The following PRMT2 variants were observed in gnomAD, a reference collection of about 807,000 sequenced individuals.
The protein encoded by PRMT2 is protein arginine methyltransferase 2.
PRMT2 carries 26 observed loss-of-function variants against 57.6 expected under a neutral mutation model. That is an observed-to-expected ratio of 0.45 (90% CI 0.33 to 0.63). The LOEUF is 0.63. PRMT2 is among the 20% of genes least tolerant of loss of function. PRMT2 has a pLI of 0.02. For missense variants in PRMT2, 472 were observed against 564.4 expected, an observed-to-expected ratio of 0.84 and a Z score of 1.66; for synonymous variants, 219 against 220.0, an observed-to-expected ratio of 1.00 and a Z score of 0.04.
In PRMT2 at chr21:46,658,649, G is replaced by C. The variant is rs2061573870; in HGVS notation, c.655-96G>C. ...GAATATTCTTGAGGCTAAAACTGTAGAACTGTCAGACTAGTGTTACGAATG... is the reference window on the plus strand; with the variant it reads ...GAATATTCTTGAGGCTAAAACTGTACAACTGTCAGACTAGTGTTACGAATG... On this transcript the variant is annotated intron_variant, in intron 7 of 11. Coordinates refer to ENST00000355680, the MANE Select transcript of PRMT2 (RefSeq NM_206962.4). 27 of 1,550,030 alleles carry C rather than the reference G, an allele frequency of 1.7e-5. No homozygotes were observed. In the South Asian group the frequency reaches 3.1e-4, roughly 18 times the overall value.
intron 7 of PRMT2, chr21:46,651,921 A>C: frequency 6.2e-7 from 1 of 1,613,038 alleles, no homozygotes; most frequent in African/African-American, 1.3e-5. Context: ...GTCCCTCTTC[A>C]TGTCCTCCTT....
In PRMT2 at chr21:46,643,559, G is replaced by A; in HGVS notation, c.64G>A (p.Glu22Lys). ...SQGEEPAECS[E>K]AGLLQEGVQP... Reference sequence around the variant, plus strand: ...GGGAGAAGAGCCTGCTGAGTGCAGTGAGGCCGGTCTCCTGCAGGAGGGAGT... The same window carrying A: ...GGGAGAAGAGCCTGCTGAGTGCAGTAAGGCCGGTCTCCTGCAGGAGGGAGT... Residue 22 changes from glutamate to lysine, a missense_variant, in exon 4 of 12, where the codon GAG becomes AAG. Coordinates refer to ENST00000355680, the MANE Select transcript of PRMT2 (RefSeq NM_206962.4). 1 of 1,607,618 alleles carries A rather than the reference G, an allele frequency of 6.2e-7. No homozygotes were observed. Among genetic ancestry groups the A allele is most frequent in the Non-Finnish European group, 8.5e-7 (1 of 1,177,790 alleles).
At chr21:46,651,715 G>A in intron 7 of PRMT2, 1 of 1,423,602 alleles carries the variant, frequency 7.0e-7, no homozygotes, top group Non-Finnish European at 9.7e-7. Flanking sequence ...GATAGTTGTT[G>A]GGGCACAGGG....
intron 7 of PRMT2, chr21:46,654,918 T>C (rs942471781): frequency 1.0e-6 from 1 of 984,478 alleles, no homozygotes; most frequent in African/African-American, 1.7e-5. Context: ...TCCCTCTATG[T>C]ATGTACATAG....
At chr21:46,643,414 TAATA>T (rs2061311859) in intron 3 of PRMT2, 117 bp from the exon 4 acceptor site, 1 of 1,318,464 alleles carries the variant, frequency 7.6e-7, no homozygotes, top group African/African-American at 1.6e-5. Flanking sequence ...ATAGTTTGTA[TAATA>T]AATACTTGGA....
chr21:46,660,000 A>AATGCT, intron 8 of PRMT2: 1 of 984,156 alleles, frequency 1.0e-6, no homozygotes, highest in Non-Finnish European at 1.2e-6. Flanking sequence ...AGTATATCAC[A>AATGCT]ATGCTAAGAC....
In PRMT2 at chr21:46,648,520, G is replaced by T. The variant is rs1354582563; in HGVS notation, c.390G>T (p.Leu130=). 6.2e-7 allele frequency: 1 copy of T among 1,614,218 alleles called. No homozygotes were observed. Among genetic ancestry groups the T allele is most frequent in the African/African-American group, 1.3e-5 (1 of 75,056 alleles). Residue 130 remains leucine, a synonymous_variant, in exon 6 of 12, where the codon CTG becomes CTT. Coordinates refer to ENST00000355680, the MANE Select transcript of PRMT2 (RefSeq NM_206962.4). The surrounding 1 kb of genome is among the most constrained non-coding windows in gnomAD (Gnocchi z 4.8). ...PRTTKYHSVI[L]QNKESLTDKV... ...CAACTAAATACCACAGTGTCATCCT[G>T]CAGAATAAAGAATCCCTGACGGATA...
intron 10 of PRMT2, among the ~76,000 whole-genome samples, chr21:46,662,930 C>G (rs932287600): frequency 1.3e-5 from 2 of 152,198 alleles, no homozygotes; most frequent in Non-Finnish European, 2.9e-5. Flanking sequence ...TCACCAGCCT[C>G]TGCAGCTTAG....
rs2061417708 is a variant in PRMT2, at chr21:46,649,560, C to T, written c.490-15C>T. 1 of 1,613,918 alleles carries T rather than the reference C, an allele frequency of 6.2e-7. No individual in the cohort carries two copies. Among genetic ancestry groups the T allele is most frequent in the Non-Finnish European group, 8.5e-7 (1 of 1,180,038 alleles). On this transcript the variant is annotated splice_polypyrimidine_tract_variant and intron_variant, in intron 6 of 11. Coordinates refer to ENST00000355680, the MANE Select transcript of PRMT2 (RefSeq NM_206962.4). The surrounding 1 kb of genome is among the most constrained non-coding windows in gnomAD (Gnocchi z 4.8). ...GCCGGCCGGATGTACGCTGACGGTG[C>T]CTCTGCTGCTGCAGGTGTACGCGGT...
intron 7 of PRMT2, chr21:46,653,524 C>A (rs2061493571): frequency 9.9e-7 from 1 of 1,012,698 alleles, no homozygotes; most frequent in Non-Finnish European, 1.2e-6. Context: ...GAAGGACGAT[C>A]TACACAGGGC....
At chr21:46,663,308 T>C in intron 10 of PRMT2, 75 bp from the exon 11 acceptor site, 1 of 1,471,884 alleles carries the variant, frequency 6.8e-7, no homozygotes, top group East Asian at 2.3e-5. Flanking sequence ...AGTGCGAGCC[T>C]GAGTCAGCGC....
intron 7 of PRMT2, 42 bp from the exon 8 acceptor site, chr21:46,658,703 G>A: frequency 6.2e-7 from 1 of 1,603,802 alleles, no homozygotes; most frequent in Non-Finnish European, 8.5e-7. Flanking sequence ...GCAGCCGCGG[G>A]GCCTGTGATG....
At chr21:46,661,036 A>C in intron 9 of PRMT2, 74 bp downstream of exon 9, 1 of 1,471,574 alleles carries the variant, frequency 6.8e-7, no homozygotes, top group Non-Finnish European at 9.2e-7. Flanking sequence ...AGCCTGGCTT[A>C]TCAAAAACCT....
chr21:46,652,509 A>G lies in PRMT2; in HGVS notation c.654+2770A>G, dbSNP rs368197917. ...AGGCCAGGAGCTTGAACGTTGTTCA[A>G]TGCCACCAACAATTTGAAAGTAACT... On this transcript the variant is annotated intron_variant, in intron 7 of 11. Coordinates refer to ENST00000355680, the MANE Select transcript of PRMT2 (RefSeq NM_206962.4). 6 of 985,446 alleles carry G rather than the reference A, an allele frequency of 6.1e-6. 1 individual carries two copies. The South Asian group carries it at 2.3e-4, about 39-fold the overall frequency. 61.0% of individuals were successfully genotyped at this position (985,446 alleles called of 1,614,324 possible).
chr21:46,651,379 T>C (rs571613749), intron 7 of PRMT2, among the ~76,000 whole-genome samples: 122 of 150,844 alleles, frequency 8.1e-4, no homozygotes, highest in Non-Finnish European at 1.5e-3. Flanking sequence ...TCTGTGTGGG[T>C]CTTGAACATA....
intron 9 of PRMT2, 28 bp downstream of exon 9, chr21:46,660,990 A>G: frequency 6.2e-7 from 1 of 1,602,974 alleles, no homozygotes; most frequent in Non-Finnish European, 8.5e-7. Flanking sequence ...TGCTCCTTAC[A>G]TTCGATAATC....
At chr21:46,645,512 T>A (rs183180200) in intron 5 of PRMT2, among the ~76,000 whole-genome samples, 8 of 152,168 alleles carry the variant, frequency 5.3e-5, no homozygotes, top group African/African-American at 1.7e-4. Context: ...ACCGAAATTT[T>A]TTCCCCACCA....
At chr21:46,641,395 AG>A (rs2061271962) in intron 3 of PRMT2, among the ~76,000 whole-genome samples, 1 of 152,194 alleles carries the variant, frequency 6.6e-6, no homozygotes, top group Non-Finnish European at 1.5e-5. Context: ...GTGTAAGAAA[AG>A]CAAAGTGCAG....
chr21:46,660,093 A>T (rs1474783510), intron 8 of PRMT2: 1 of 971,422 alleles, frequency 1.0e-6, no homozygotes, highest in Admixed American at 6.2e-5. Context: ...TCAGAAAAAT[A>T]AATGTGTAAA....
Sources: gnomAD v4.1 joint callset for allele counts (sites outside exome capture counted in the v4.1 genomes callset) on GRCh38, gnomAD v4.1.1 for gene constraint, Gnocchi (gnomAD v3.1) non-coding constraint, MANE v1.5 for transcripts, NCBI Gene and HGNC (gene_info 2026-07-23, HGNC 2026-07-21) for gene names.